LDLRAD4: variants seen among roughly 807,000 people sequenced by gnomAD.
LDLRAD4 encodes low density lipoprotein receptor class A domain containing 4.
A neutral mutation model predicts 17.0 loss-of-function variants in LDLRAD4; 5 were observed. The ratio of observed to expected loss-of-function variants is 0.29; its 90% CI spans 0.15 to 0.62. LDLRAD4 has a LOEUF of 0.62. LDLRAD4 is among the 20% of genes least tolerant of loss of function. The pLI, the probability that LDLRAD4 is intolerant of heterozygous loss-of-function variation, is 0.84. For missense variants in LDLRAD4, 340 were observed against 424.7 expected (o/e 0.80, Z 1.75); for synonymous variants, 168 against 171.8 (o/e 0.98, Z 0.17).
chr18:13,225,113 G>A (rs1274137679), intron 1 of LDLRAD4, among the ~76,000 whole-genome samples: 1 of 152,220 alleles, frequency 6.6e-6, no homozygotes, highest in Admixed American at 6.5e-5. Flanking sequence ...TGGGATTACA[G>A]GTGTGAGCCA....
chr18:13,294,160 C>T (rs960422565), intron 1 of LDLRAD4, among the ~76,000 whole-genome samples: 39 of 152,184 alleles, frequency 2.6e-4, no homozygotes, highest in Admixed American at 1.2e-3. Flanking sequence ...TGGAACACTG[C>T]GCATAAATGG....
intron 3 of LDLRAD4, among the ~76,000 whole-genome samples, chr18:13,524,187 C>T (rs765197419): frequency 3.5e-4 from 54 of 152,198 alleles, no homozygotes; most frequent in Non-Finnish European, 7.1e-4. Flanking sequence ...GAATCAGGAC[C>T]GGGCCCTGCT....
rs527284150 is a variant in LDLRAD4, at chr18:13,558,701, A to G, written c.182-62416A>G. Among the ~76,000 whole-genome samples the G allele has an allele frequency of 5.9e-5, 9 of 152,372 alleles. No homozygotes were observed. The South Asian group carries it at 1.7e-3, about 28-fold the overall frequency. On this transcript the variant is annotated intron_variant, in intron 3 of 5. Coordinates refer to ENST00000359446, the Ensembl canonical transcript of LDLRAD4. ...CATAGGAGTTACTGTTTACTCAGAA[A>G]TGCAAAATAATTTTGCTATTAGCCA...
At position 13,396,085 on chromosome 18, in the gene LDLRAD4, G is replaced by A. The variant is rs148224405; in HGVS notation, c.40+8323G>A. On this transcript the variant is annotated intron_variant, in intron 2 of 5. Coordinates refer to ENST00000359446, the Ensembl canonical transcript of LDLRAD4. The stretch of plus-strand genomic sequence containing the variant: ...GGATGCAAAAATAAACAAGTGTAAC[G>A]TCTGGGTAGTGGTTTATGGTTCCGT... Among the ~76,000 whole-genome samples, 5 of 152,298 alleles carry A rather than the reference G, an allele frequency of 3.3e-5. 1 individual carries two copies. The East Asian group carries it at 9.6e-4, about 29-fold the overall frequency.
chr18:13,524,553 A>G (rs891444139), intron 3 of LDLRAD4, among the ~76,000 whole-genome samples: 5 of 152,222 alleles, frequency 3.3e-5, no homozygotes, highest in African/African-American at 1.2e-4. Flanking sequence ...TACTGTCTGT[A>G]TCAGGTAGTG....
upstream of LDLRAD4, among the ~76,000 whole-genome samples, chr18:13,275,478 C>G (rs76139829): frequency 6.6e-6 from 1 of 152,154 alleles, no homozygotes; most frequent in East Asian, 1.9e-4. Flanking sequence ...TGAATAAGTT[C>G]GGTTGCTGTG....
chr18:13,515,404 CT>C (rs1439459998), intron 3 of LDLRAD4: 1 of 152,240 alleles, frequency 6.6e-6, no homozygotes, highest in Non-Finnish European at 1.5e-5. Context: ...TTGAATGTAA[CT>C]TTGAAGCCAG....
rs1017290911 is a variant in LDLRAD4 at position 13,645,708 on chromosome 18, G to A, written c.*51G>A. On this transcript the variant is annotated 3_prime_UTR_variant, in exon 6 of 6. Coordinates refer to ENST00000359446, the Ensembl canonical transcript of LDLRAD4. This position sits in a 1 kb window ranked among gnomAD's most constrained non-coding sequence, Gnocchi z 5.7. ...GAGAAAGAAACCAAGAAGGGAAGCGGCCGCTGGGCCCCTCCTGCGCACAGT... is the reference window on the plus strand; with the variant it reads ...GAGAAAGAAACCAAGAAGGGAAGCGACCGCTGGGCCCCTCCTGCGCACAGT... 8 of 1,413,368 alleles carry A rather than the reference G, an allele frequency of 5.7e-6. No individual in the cohort carries two copies. Among genetic ancestry groups the A allele is most frequent in the Non-Finnish European group, 7.6e-6 (8 of 1,049,254 alleles). The allele number at this position is 1,413,368 out of a possible 1,614,324, so 87.6% of individuals were successfully genotyped here. A position where few individuals can be genotyped will look rare whatever the true frequency, so the allele number is the denominator to read the frequency against.
intron 4 of LDLRAD4, chr18:13,642,586 C>T (rs776806970): frequency 1.6e-6 from 2 of 1,228,570 alleles, no homozygotes; most frequent in Non-Finnish European, 2.0e-6. Flanking sequence ...AGCCCAGGCT[C>T]GGAAAGGGCC....
chr18:13,576,437 A>AAAG lies in LDLRAD4; in HGVS notation c.182-44678_182-44677insGAA, dbSNP rs1555750706. Among the ~76,000 whole-genome samples, 452 of 83,508 alleles carry AAAG rather than the reference A, an allele frequency of 5.4e-3. 3 individuals are homozygous for AAAG. The highest frequency in any genetic ancestry group is 0.013 in the African/African-American group (425 of 32,538). 54.8% of individuals were successfully genotyped at this position (83,508 alleles called of 152,430 possible). On this transcript the variant is annotated intron_variant, in intron 3 of 5. Transcript: ENST00000359446. ...ACTCTGTCTCAAAAAAAAAAAAAAAAAAAGAAAGAAAGAAAGAAAGAAATA... is the reference window on the plus strand; with the variant it reads ...ACTCTGTCTCAAAAAAAAAAAAAAAAAAGAAAGAAAGAAAGAAAGAAAGAAATA...
At chr18:13,638,367 C>G (rs1439907987) in intron 4 of LDLRAD4, among the ~76,000 whole-genome samples, 1 of 150,842 alleles carries the variant, frequency 6.6e-6, no homozygotes, top group African/African-American at 2.4e-5. Context: ...GACTTCTTAC[C>G]CTTACAGATG....
intron 1 of LDLRAD4, among the ~76,000 whole-genome samples, chr18:13,249,600 T>A (rs2043133427): frequency 6.6e-6 from 1 of 152,194 alleles, no homozygotes; most frequent in Non-Finnish European, 1.5e-5. Flanking sequence ...TAGATCTTTT[T>A]TTTTTTTGCT....
rs1330329376 is a variant in LDLRAD4 at position 13,239,593 on chromosome 18, G to T, written c.-467+20605G>T. 3 of 152,318 alleles carry T rather than the reference G, an allele frequency of 2.0e-5. No homozygotes were observed. The South Asian group carries it at 6.2e-4, about 31-fold the overall frequency. The allele number at this position is 152,318 out of a possible 1,614,324, so 9.4% of individuals were successfully genotyped here. ...TGAAAGTAGCAGTTGTCCAGAGGGG[G>T]CTTGGGCCAGCCATCCGGCTGGAGA... On this transcript the variant is annotated intron_variant, in intron 1 of 5. Coordinates refer to the LDLRAD4 transcript ENST00000399848.
chr18:13,289,147 A>G (rs1318441432), intron 1 of LDLRAD4, among the ~76,000 whole-genome samples: 1 of 152,248 alleles, frequency 6.6e-6, no homozygotes, highest in African/African-American at 2.4e-5. Context: ...TAAAGGTCCC[A>G]GCACTGGAGC....
At chr18:13,572,778 G>C (rs1232163263) in intron 3 of LDLRAD4, among the ~76,000 whole-genome samples, 2 of 152,220 alleles carry the variant, frequency 1.3e-5, no homozygotes, top group Non-Finnish European at 2.9e-5. Context: ...TCATCCAAAA[G>C]TGATCATTTT....
At chr18:13,649,749 G>GA (rs1365292525) in exon 6 of LDLRAD4, 19 of 313,698 alleles carry the variant, frequency 6.1e-5, no homozygotes, top group African/African-American at 3.8e-4. Context: ...GTGTATGAAA[G>GA]AAAAAACTGG....
chr18:13,430,742 A>G (rs1382700150), intron 2 of LDLRAD4, among the ~76,000 whole-genome samples: 1 of 152,214 alleles, frequency 6.6e-6, no homozygotes, highest in Admixed American at 6.5e-5. Context: ...TGAATTCAAA[A>G]TCCTTTAATG....
chr18:13,537,758 A>C (rs1270462366), intron 3 of LDLRAD4, among the ~76,000 whole-genome samples: 1 of 152,166 alleles, frequency 6.6e-6, no homozygotes, highest in Non-Finnish European at 1.5e-5. Context: ...GATTCATCAG[A>C]GAAACCACCT....
chr18:13,284,171 C>T (rs1470014812), intron 1 of LDLRAD4, among the ~76,000 whole-genome samples: 1 of 152,020 alleles, frequency 6.6e-6, no homozygotes, highest in African/African-American at 2.4e-5. Context: ...TCAGGGATGC[C>T]GAATGCCCTT....
Sources: gnomAD v4.1 joint callset for allele counts (sites outside exome capture counted in the v4.1 genomes callset) on GRCh38, gnomAD v4.1.1 for gene constraint, Gnocchi (gnomAD v3.1) non-coding constraint, MANE v1.5 for transcripts, NCBI Gene and HGNC (gene_info 2026-07-23, HGNC 2026-07-21) for gene names.